Variants in PLEKHA6 observed in about 807,000 individuals in gnomAD.
PLEKHA6 encodes the protein pleckstrin homology domain-containing family A member 6.
PLEKHA6 carries 60 observed loss-of-function variants against 116.7 expected under a neutral mutation model. That is an observed-to-expected ratio of 0.51 (90% CI 0.42 to 0.64). The LOEUF is 0.64. Among genes scored for constraint, PLEKHA6 ranks in the 30% least tolerant of loss-of-function variants. The probability of loss-of-function intolerance (pLI) is 0.00; values close to 1 mark genes in which losing one functional copy is unlikely to be tolerated. For missense variants in PLEKHA6, 1,338 were observed against 1,422.7 expected (o/e 0.94, Z 0.96); for synonymous variants, 489 against 556.1 (o/e 0.88, Z 1.70).
intron 2 of PLEKHA6, among the ~76,000 whole-genome samples, chr1:204,371,131 C>T (rs1227226315): frequency 6.6e-6 from 1 of 151,634 alleles, no homozygotes; most frequent in Non-Finnish European, 1.5e-5. Context: ...CCACATGTGG[C>T]TCATGGCAAT....
chr1:204,327,119 G>T, intron 1 of PLEKHA6: 1 of 498,080 alleles, frequency 2.0e-6, no homozygotes, highest in Non-Finnish European at 2.6e-6. Flanking sequence ...TGAGTCACAA[G>T]GCTGAACTCC....
chr1:204,310,197 G>A (rs1416277385), intron 1 of PLEKHA6, among the ~76,000 whole-genome samples: 1 of 151,918 alleles, frequency 6.6e-6, no homozygotes, highest in Non-Finnish European at 1.5e-5. Context: ...TCCAAGGAGG[G>A]GACTGGGCAT....
chr1:204,336,147 C>A (rs901223663), intron 1 of PLEKHA6, among the ~76,000 whole-genome samples: 2 of 152,174 alleles, frequency 1.3e-5, no homozygotes, highest in Non-Finnish European at 2.9e-5. Flanking sequence ...CATCCTAAAC[C>A]CTCATCACCA....
intron 17 of PLEKHA6, among the ~76,000 whole-genome samples, chr1:204,236,225 TA>T (rs1172383161): frequency 6.6e-6 from 1 of 152,166 alleles, no homozygotes. Context: ...CTCAGGGAGT[TA>T]AAAAAGGTTC....
chr1:204,235,576 C>A (rs1661923003), intron 17 of PLEKHA6, among the ~76,000 whole-genome samples: 1 of 152,118 alleles, frequency 6.6e-6, no homozygotes, highest in African/African-American at 2.4e-5. Flanking sequence ...AGTGGCTGAC[C>A]TGCAATGAAA....
intron 1 of PLEKHA6, among the ~76,000 whole-genome samples, chr1:204,335,722 T>C (rs1299478836): frequency 6.6e-6 from 1 of 152,012 alleles, no homozygotes; most frequent in Non-Finnish European, 1.5e-5. Context: ...CCCTTTTCTG[T>C]CTGGGCAGTA....
At chr1:204,246,762 T>G (rs1663745423) in intron 13 of PLEKHA6, among the ~76,000 whole-genome samples, 1 of 152,202 alleles carries the variant, frequency 6.6e-6, no homozygotes, top group African/African-American at 2.4e-5. Context: ...AAAGCCTCTC[T>G]CCTATCTAAA....
intron 1 of PLEKHA6, chr1:204,325,962 G>A (rs985025675): frequency 3.1e-6 from 3 of 964,020 alleles, no homozygotes; most frequent in Non-Finnish European, 3.7e-6. Flanking sequence ...CACAAAAGGG[G>A]CAGAGTCCCT....
chr1:204,226,416 G>C (rs1013002013), intron 21 of PLEKHA6, among the ~76,000 whole-genome samples: 5 of 152,200 alleles, frequency 3.3e-5, no homozygotes, highest in Non-Finnish European at 5.9e-5. Flanking sequence ...CCAGGGGCTG[G>C]GGCTGGGGCT....
chr1:204,263,741 T>C (rs1048081785), intron 6 of PLEKHA6, among the ~76,000 whole-genome samples: 1 of 150,254 alleles, frequency 6.7e-6, no homozygotes, highest in African/African-American at 2.4e-5. Flanking sequence ...TGATTGTGTG[T>C]GTGGGTGTGT....
chr1:204,299,642 A>G (rs1034918370), intron 1 of PLEKHA6: 1 of 985,226 alleles, frequency 1.0e-6, no homozygotes, highest in Non-Finnish European at 1.2e-6. Flanking sequence ...TTCCAAAGCA[A>G]CGTGGGTCTT....
upstream of PLEKHA6, among the ~76,000 whole-genome samples, chr1:204,360,096 G>A (rs1444191937): frequency 2.0e-5 from 3 of 152,250 alleles, no homozygotes; most frequent in Admixed American, 2.0e-4. Context: ...TGCCTGCCCG[G>A]GAGAGGATGG....
rs1394904567 is a variant in PLEKHA6 at position 204,238,378 on chromosome 1, C to A, written c.2409+2997G>T. Among the ~76,000 whole-genome samples, 1 of 152,194 alleles carries A rather than the reference C, an allele frequency of 6.6e-6. No homozygotes were observed. Among genetic ancestry groups the A allele is most frequent in the African/African-American group, 2.4e-5 (1 of 41,440 alleles). On this transcript the variant is annotated intron_variant, in intron 17 of 22. Coordinates refer to ENST00000272203, the MANE Select transcript of PLEKHA6 (RefSeq NM_014935.5). This position sits in a 1 kb window ranked among gnomAD's most constrained non-coding sequence, Gnocchi z 4.2. ...TGGAGCAAGGCCCTGCCATCTTCTG[C>A]AGCTAACTACTCTCCTTTTGAGAGA...
chr1:204,305,005 C>T (rs936578649), intron 1 of PLEKHA6, among the ~76,000 whole-genome samples: 4 of 152,142 alleles, frequency 2.6e-5, no homozygotes, highest in Non-Finnish European at 4.4e-5. Flanking sequence ...ACCATATCCT[C>T]GCCTGTTCAA....
intron 1 of PLEKHA6, among the ~76,000 whole-genome samples, chr1:204,292,016 G>A (rs987666460): frequency 1.3e-5 from 2 of 152,180 alleles, no homozygotes; most frequent in South Asian, 2.1e-4. Context: ...GAATGAGGGT[G>A]GGAATGGGTA....
At chr1:204,359,617 A>G in intron 1 of PLEKHA6, 77 bp downstream of exon 1, 1 of 985,324 alleles carries the variant, frequency 1.0e-6, no homozygotes, top group Non-Finnish European at 1.2e-6. Context: ...CGCGGCAGAC[A>G]GGCAGCTGCC....
chr1:204,291,455 C>G (rs1217837140), intron 1 of PLEKHA6, among the ~76,000 whole-genome samples: 1 of 152,192 alleles, frequency 6.6e-6, no homozygotes, highest in Non-Finnish European at 1.5e-5. Context: ...AAGCATATGT[C>G]CACACAACGA....
chr1:204,310,357 C>G (rs940031220), intron 1 of PLEKHA6, among the ~76,000 whole-genome samples: 5 of 152,250 alleles, frequency 3.3e-5, no homozygotes, highest in Non-Finnish European at 7.3e-5. Flanking sequence ...AATGTTAACT[C>G]TCCTGGTTAA....
intron 1 of PLEKHA6, among the ~76,000 whole-genome samples, chr1:204,283,823 G>A (rs1255027879): frequency 6.6e-6 from 1 of 152,210 alleles, no homozygotes; most frequent in Non-Finnish European, 1.5e-5. Context: ...ACTTTAGTCT[G>A]ACAACAGCTG....
Sources: allele counts gnomAD v4.1 joint callset (sites outside exome capture counted in the v4.1 genomes callset), GRCh38; gene constraint gnomAD v4.1.1; non-coding constraint Gnocchi (gnomAD v3.1); transcripts MANE v1.5; gene names NCBI Gene and HGNC (gene_info 2026-07-23, HGNC 2026-07-21).